HCN1: variants seen among roughly 807,000 people sequenced by gnomAD.
HCN1 encodes the protein hyperpolarization activated cyclic nucleotide gated potassium channel 1, also known as potassium/sodium hyperpolarization-activated cyclic nucleotide-gated channel 1.
A neutral mutation model predicts 78.9 loss-of-function variants in HCN1; 13 were observed. That is an observed-to-expected ratio of 0.16 (90% CI 0.11 to 0.26). The LOEUF (loss-of-function observed/expected upper bound fraction) is 0.26. Ranked by LOEUF, HCN1 falls within the 10% of genes least tolerant of loss-of-function variation. The pLI is 1.00. For missense variants in HCN1, 810 were observed against 1,154.3 expected (o/e 0.70, Z 4.32); for synonymous variants, 552 against 455.5 (o/e 1.21, Z -2.70).
intron 2 of HCN1, among the ~76,000 whole-genome samples, chr5:45,624,754 G>A (rs1745129816): frequency 6.6e-6 from 1 of 152,020 alleles, no homozygotes; most frequent in Admixed American, 6.6e-5. Flanking sequence ...TTGGGAATGA[G>A]AAACATCTAG....
intron 3 of HCN1, among the ~76,000 whole-genome samples, chr5:45,418,418 G>C (rs1261581126): frequency 6.7e-6 from 1 of 148,260 alleles, no homozygotes; most frequent in Non-Finnish European, 1.5e-5. Context: ...TCTGTGATAG[G>C]CTAAAAACTA....
intron 5 of HCN1, among the ~76,000 whole-genome samples, chr5:45,305,682 G>A (rs1745714649): frequency 6.7e-6 from 1 of 150,138 alleles, no homozygotes; most frequent in Non-Finnish European, 1.5e-5. Flanking sequence ...AAGGAGGGGA[G>A]GAAGGAAAGA....
At chr5:45,400,526 G>C (rs1739772748) in intron 3 of HCN1, among the ~76,000 whole-genome samples, 1 of 150,938 alleles carries the variant, frequency 6.6e-6, no homozygotes, top group Non-Finnish European at 1.5e-5. Flanking sequence ...AGCCTCCCGA[G>C]TAGCTGGGAT....
At chr5:45,652,495 T>C (rs562110776) in intron 1 of HCN1, among the ~76,000 whole-genome samples, 4 of 152,028 alleles carry the variant, frequency 2.6e-5, no homozygotes, top group African/African-American at 7.2e-5. Flanking sequence ...ACTCTCTCCT[T>C]CAGCCTCTCC....
Position 45,262,362 on chromosome 5 carries a change from C to T in HCN1, c.2232G>A (p.Pro744=), listed in dbSNP as rs757283749. ...PQQQVQQSQP[P]QTQPQQPSPQ... ...GGGACGGCTGCTGTGGCTGAGTCTG[C>T]GGCGGCTGGGACTGCTGTACCTGCT... is the stretch of plus-strand genomic sequence containing the variant. The change falls in exon 8 of 8, where the codon CCG becomes CCA. Residue 744 remains proline (P), a synonymous_variant. Coordinates refer to ENST00000303230, the MANE Select transcript of HCN1 (RefSeq NM_021072.4). 8.7e-6 allele frequency: 14 copies of T among 1,612,138 alleles called. No homozygotes were observed. Among genetic ancestry groups the T allele is most frequent in the African/African-American group, 2.7e-5 (2 of 74,896 alleles).
At chr5:45,338,386 G>A (rs189764317) in intron 5 of HCN1, among the ~76,000 whole-genome samples, 1 of 152,172 alleles carries the variant, frequency 6.6e-6, no homozygotes, top group Admixed American at 6.5e-5. Context: ...AGTATTTTAG[G>A]TTGAAATCAT....
chr5:45,259,607 T>C lies in HCN1; in HGVS notation c.*2314A>G, dbSNP rs972029842. On this transcript the variant is annotated 3_prime_UTR_variant, in exon 8 of 8. Coordinates refer to ENST00000303230, the MANE Select transcript of HCN1 (RefSeq NM_021072.4). ...ACCCTGTACCTTTTTATTAGTTTAA[T>C]ATATAAACCTTAGTTTTTTTGTCCA... 1.3e-5 allele frequency: 2 copies of C among 152,360 alleles called. No homozygotes were observed. Among genetic ancestry groups the C allele is most frequent in the Admixed American group, 1.3e-4 (2 of 15,246 alleles). 9.4% of individuals were successfully genotyped at this position (152,360 alleles called of 1,614,324 possible).
chr5:45,512,069 C>CA (rs1742427629), intron 2 of HCN1, among the ~76,000 whole-genome samples: 1 of 151,972 alleles, frequency 6.6e-6, no homozygotes, highest in African/African-American at 2.4e-5. Context: ...AACTTACTAC[C>CA]ATCCTGTAAG....
chr5:45,454,092 A>G (rs1021047588), intron 3 of HCN1, among the ~76,000 whole-genome samples: 1 of 152,140 alleles, frequency 6.6e-6, no homozygotes, highest in Admixed American at 6.6e-5. Context: ...CCAATATACA[A>G]TCTCATCAAT....
intron 3 of HCN1, among the ~76,000 whole-genome samples, chr5:45,420,954 C>A (rs1232810038): frequency 6.6e-6 from 1 of 152,144 alleles, no homozygotes; most frequent in Non-Finnish European, 1.5e-5. Flanking sequence ...AGTTAGATAC[C>A]CAAGAGAAAC....
intron 1 of HCN1, among the ~76,000 whole-genome samples, chr5:45,666,471 C>A (rs1354683446): frequency 6.6e-6 from 1 of 151,970 alleles, no homozygotes; most frequent in Admixed American, 6.6e-5. Context: ...AGGCCACAAC[C>A]ACAATATGTA....
At chr5:45,391,903 C>A (rs1481804911) in intron 4 of HCN1, among the ~76,000 whole-genome samples, 2 of 152,016 alleles carry the variant, frequency 1.3e-5, no homozygotes, top group African/African-American at 4.8e-5. Context: ...ATTCCCACAG[C>A]CTTCCAAAGG....
At chr5:45,605,170 T>G (rs1744699367) in intron 2 of HCN1, among the ~76,000 whole-genome samples, 1 of 151,988 alleles carries the variant, frequency 6.6e-6, no homozygotes, top group Non-Finnish European at 1.5e-5. Context: ...TTGAGACCAG[T>G]GTTTGAAGTG....
intron 6 of HCN1, among the ~76,000 whole-genome samples, chr5:45,290,848 G>A (rs986827059): frequency 2.0e-5 from 3 of 151,778 alleles, no homozygotes; most frequent in African/African-American, 7.3e-5. Flanking sequence ...CAAAAGAGAT[G>A]ATGAGAAAAT....
intron 2 of HCN1, among the ~76,000 whole-genome samples, chr5:45,618,512 G>T (rs1744998444): frequency 6.6e-6 from 1 of 152,098 alleles, no homozygotes; most frequent in African/African-American, 2.4e-5. Context: ...CAAGATATTT[G>T]CTAGAGCAGT....
At chr5:45,672,082 T>C (rs1002095762) in intron 1 of HCN1, among the ~76,000 whole-genome samples, 3 of 151,554 alleles carry the variant, frequency 2.0e-5, no homozygotes, top group Non-Finnish European at 4.4e-5. Context: ...TTGTGGAATA[T>C]AAATTATTCA....
intron 4 of HCN1, among the ~76,000 whole-genome samples, chr5:45,376,060 A>C (rs1210385060): frequency 8.9e-6 from 1 of 111,782 alleles, no homozygotes; most frequent in Admixed American, 1.2e-4. Context: ...TATTATATAC[A>C]ATATAATATG....
chr5:45,686,636 G>A (rs975433461), intron 1 of HCN1, among the ~76,000 whole-genome samples: 4 of 152,120 alleles, frequency 2.6e-5, no homozygotes, highest in Non-Finnish European at 5.9e-5. Context: ...TCATTCTGGA[G>A]TTAATAAAGT....
chr5:45,587,283 A>T (rs547282152), intron 2 of HCN1, among the ~76,000 whole-genome samples: 36 of 152,334 alleles, frequency 2.4e-4, no homozygotes, highest in African/African-American at 8.4e-4. Context: ...ACAACAGCAA[A>T]GACTTGGAAC....
Sources: allele counts gnomAD v4.1 joint callset (sites outside exome capture counted in the v4.1 genomes callset), GRCh38; gene constraint gnomAD v4.1.1; transcripts MANE v1.5; gene names NCBI Gene and HGNC (gene_info 2026-07-23, HGNC 2026-07-21).